TNFAIP8: variants seen among roughly 807,000 people sequenced by gnomAD.
TNFAIP8 encodes the protein TNF alpha induced protein 8.
In TNFAIP8, 7 loss-of-function variants were observed where a neutral mutation model predicts 13.3. The observed-to-expected ratio is 0.52, with a 90% CI of 0.30 to 0.99. The LOEUF is 0.99. Among genes scored for constraint, TNFAIP8 ranks in the 50% least tolerant of loss-of-function variants. The probability of loss-of-function intolerance (pLI) is 0.07; values close to 1 mark genes in which losing one functional copy is unlikely to be tolerated. For missense variants in TNFAIP8, 258 were observed against 236.9 expected (o/e 1.09, Z -0.58); for synonymous variants, 94 against 87.6 (o/e 1.07, Z -0.41).
At chr5:119,315,508 C>T (rs28704785) in intron 1 of TNFAIP8, among the ~76,000 whole-genome samples, 41,023 of 152,128 alleles carry the variant, frequency 0.27, 5,973 homozygotes, top group Non-Finnish European at 0.32. Flanking sequence ...TTGGCATAAC[C>T]AGTAGATTGG....
chr5:119,351,789 TTTTTTTC>T (rs1562013184), upstream of TNFAIP8, among the ~76,000 whole-genome samples: 1 of 115,622 alleles, frequency 8.6e-6, no homozygotes, highest in Admixed American at 7.6e-5. Flanking sequence ...TTTCTTTTTC[TTTTTTTC>T]TTTTTTTTTT....
intron 1 of TNFAIP8, among the ~76,000 whole-genome samples, chr5:119,302,825 A>G (rs896570100): frequency 1.1e-4 from 17 of 152,346 alleles, no homozygotes; most frequent in African/African-American, 3.6e-4. Flanking sequence ...TGCTTTTTAT[A>G]TATTCCTGGG....
intron 1 of TNFAIP8, among the ~76,000 whole-genome samples, chr5:119,386,859 A>T (rs940498233): frequency 1.3e-5 from 2 of 152,060 alleles, no homozygotes; most frequent in Non-Finnish European, 2.9e-5. Context: ...TTCTCTCTCT[A>T]GTTGATAAGA....
At chr5:119,343,381 G>A (rs969586937) in intron 1 of TNFAIP8, among the ~76,000 whole-genome samples, 2 of 152,144 alleles carry the variant, frequency 1.3e-5, no homozygotes, top group African/African-American at 4.8e-5. Context: ...TTTATAGATT[G>A]TCGAAAATTA....
rs764488251 is a variant in TNFAIP8, at chr5:119,392,806, TTTTTTTTA to T, written c.32-9_32-2del. On this transcript the variant is annotated splice_acceptor_variant and splice_polypyrimidine_tract_variant and intron_variant, in intron 1 of 1. Transcript: ENST00000504771. LOFTEE classifies it high-confidence loss of function. The stretch of plus-strand genomic sequence containing the variant: ...TTGTTAATTCTTTTCCTCTCTTTTT[TTTTTTTTA>T]GTGGCCACAGATGTCTTTAATTCCA... 6.6e-7 allele frequency: 1 copy of T among 1,503,894 alleles called. No homozygotes were observed. Among genetic ancestry groups the T allele is most frequent in the South Asian group, 1.3e-5 (1 of 77,278 alleles). 93.2% of individuals were successfully genotyped at this position (1,503,894 alleles called of 1,614,324 possible).
At chr5:119,364,838 TC>T (rs1189578171) in intron 1 of TNFAIP8, among the ~76,000 whole-genome samples, 7 of 146,142 alleles carry the variant, frequency 4.8e-5, no homozygotes, top group Non-Finnish European at 1.0e-4. Context: ...TTTTTTCTTT[TC>T]AGTTTTTTTT....
At chr5:119,268,834 A>G (rs976952549) in exon 1 of TNFAIP8, 2 of 700,476 alleles carry the variant, frequency 2.9e-6, no homozygotes. Flanking sequence ...CCACCGAGAG[A>G]GCAGAGAACT....
intron 1 of TNFAIP8, among the ~76,000 whole-genome samples, chr5:119,286,424 A>G (rs1748779442): frequency 6.6e-6 from 1 of 152,172 alleles, no homozygotes; most frequent in Non-Finnish European, 1.5e-5. Flanking sequence ...GATCGAGACC[A>G]TCCTGGCTAA....
rs938467635 is a variant in TNFAIP8 at position 119,393,403 on chromosome 5, C to G, written c.*22C>G. On this transcript the variant is annotated 3_prime_UTR_variant, in exon 2 of 2. Coordinates refer to ENST00000504771, the MANE Select transcript of TNFAIP8 (RefSeq NM_014350.4). ...ATGAGCACATGAGTTAAGATTGTGA[C>G]TGATCATGATTTATTTGAAGATGGA... is the stretch of plus-strand genomic sequence containing the variant. The G allele has an allele frequency of 5.0e-6, 8 of 1,586,334 alleles. No homozygotes were observed. In the African/African-American group the frequency reaches 9.4e-5, roughly 19 times the overall value.
At chr5:119,358,055 G>A (rs1283462362) in intron 1 of TNFAIP8, among the ~76,000 whole-genome samples, 1 of 150,632 alleles carries the variant, frequency 6.6e-6, no homozygotes, top group Non-Finnish European at 1.5e-5. Flanking sequence ...AAATAACTCA[G>A]TTATCTTCTC....
intron 1 of TNFAIP8, among the ~76,000 whole-genome samples, chr5:119,364,474 A>C (rs1000915927): frequency 2.6e-5 from 4 of 151,948 alleles, no homozygotes; most frequent in Non-Finnish European, 4.4e-5. Context: ...TACCCTGCCA[A>C]GTAGCTGGGA....
chr5:119,397,617 G>A lies in TNFAIP8; in HGVS notation c.*4236G>A, dbSNP rs1753105412. The A allele has an allele frequency of 6.6e-6, 1 of 152,158 alleles. No homozygotes were observed. Among genetic ancestry groups the A allele is most frequent in the African/African-American group, 2.4e-5 (1 of 41,422 alleles). 9.4% of individuals were successfully genotyped at this position (152,158 alleles called of 1,614,324 possible). ...ATTTTATCCTACCTCTGAAATAATT[G>A]TACTTTCTGTGATTCAGATAAAAAC... On this transcript the variant is annotated 3_prime_UTR_variant, in exon 2 of 2. Coordinates refer to ENST00000504771, the MANE Select transcript of TNFAIP8 (RefSeq NM_014350.4).
chr5:119,349,691 A>G (rs1236099994), intron 1 of TNFAIP8, among the ~76,000 whole-genome samples: 1 of 152,274 alleles, frequency 6.6e-6, no homozygotes, highest in Non-Finnish European at 1.5e-5. Context: ...AGGCAGCTGA[A>G]TAAATAGAAG....
intron 1 of TNFAIP8, among the ~76,000 whole-genome samples, chr5:119,293,380 C>T (rs1282598219): frequency 1.3e-5 from 2 of 152,148 alleles, no homozygotes; most frequent in Non-Finnish European, 2.9e-5. Context: ...AACCTCTAGT[C>T]ACCTCCATTT....
At position 119,325,125 on chromosome 5, in the gene TNFAIP8, C is replaced by G. The variant is rs191331203; in HGVS notation, c.1+56218C>G. On this transcript the variant is annotated intron_variant, in intron 1 of 1. Transcript: ENST00000274456. The stretch of plus-strand genomic sequence containing the variant: ...CATTACATGCCATATATGGATGTGC[C>G]ATAATTTACTTAATCAGTCCCCATG... Among the ~76,000 whole-genome samples, 815 of 152,030 alleles carry G rather than the reference C, an allele frequency of 5.4e-3. 9 individuals carry two copies. Among genetic ancestry groups the G allele is most frequent in the East Asian group, 0.037 (191 of 5,178 alleles).
At chr5:119,303,717 G>C (rs1469524250) in intron 1 of TNFAIP8, among the ~76,000 whole-genome samples, 1 of 152,214 alleles carries the variant, frequency 6.6e-6, no homozygotes, top group Admixed American at 6.5e-5. Context: ...CAGGGAGACA[G>C]AGAGAGCCTC....
chr5:119,279,292 A>G (rs1581563923), intron 1 of TNFAIP8, among the ~76,000 whole-genome samples: 1 of 152,188 alleles, frequency 6.6e-6, no homozygotes, highest in African/African-American at 2.4e-5. Context: ...CTTCAATAAT[A>G]CTGCCACAAA....
chr5:119,363,646 C>G (rs1751715093), intron 1 of TNFAIP8, among the ~76,000 whole-genome samples: 1 of 152,260 alleles, frequency 6.6e-6, no homozygotes, highest in Non-Finnish European at 1.5e-5. Flanking sequence ...ACATTCACAA[C>G]ATTGCTGACA....
At chr5:119,391,999 T>C (rs1429107421) in intron 1 of TNFAIP8, among the ~76,000 whole-genome samples, 1 of 152,250 alleles carries the variant, frequency 6.6e-6, no homozygotes, top group Non-Finnish European at 1.5e-5. Flanking sequence ...AACAGCTTTT[T>C]CAAAGTATAT....
Sources: gnomAD v4.1 joint callset for allele counts (sites outside exome capture counted in the v4.1 genomes callset) on GRCh38, gnomAD v4.1.1 for gene constraint, MANE v1.5 for transcripts, NCBI Gene and HGNC (gene_info 2026-07-23, HGNC 2026-07-21) for gene names.